CUX2: variants seen among roughly 807,000 people sequenced by gnomAD.
CUX2 encodes the protein cut like homeobox 2.
In CUX2, 40 loss-of-function variants were observed where a neutral mutation model predicts 144.8. The observed-to-expected ratio is 0.28, with a 90% CI of 0.21 to 0.36. The LOEUF is 0.36. Ranked by LOEUF, CUX2 falls within the 10% of genes least tolerant of loss-of-function variation. The pLI is 1.00. For synonymous variants in CUX2, 827 were observed against 875.6 expected, an observed-to-expected ratio of 0.94 and a Z score of 0.98; for missense variants, 1,615 against 1,994.0, an observed-to-expected ratio of 0.81 and a Z score of 3.62.
At chr12:111,201,716 A>G (rs1214309102) in intron 1 of CUX2, among the ~76,000 whole-genome samples, 2 of 152,052 alleles carry the variant, frequency 1.3e-5, no homozygotes, top group African/African-American at 4.8e-5. Context: ...ATGCCAGAGA[A>G]TTTTTCCAGA....
chr12:111,100,473 T>C (rs145471751), intron 1 of CUX2, among the ~76,000 whole-genome samples: 181 of 152,164 alleles, frequency 1.2e-3, no homozygotes, highest in Middle Eastern at 3.4e-3. Flanking sequence ...CCTCTGTGTC[T>C]TTCTGTTTGT....
chr12:111,328,100 G>A (rs1887903175), intron 18 of CUX2, among the ~76,000 whole-genome samples: 1 of 152,086 alleles, frequency 6.6e-6, no homozygotes, highest in Non-Finnish European at 1.5e-5. Context: ...GCCTGGAGGT[G>A]GCTACTGTAG....
Position 111,348,238 on chromosome 12 carries a change from G to T in CUX2, c.4374G>T (p.Arg1458=), listed in dbSNP as rs1452011706. Residue 1458 remains arginine (R), a synonymous_variant, in exon 22 of 22, where the codon CGG becomes CGT. Coordinates refer to ENST00000261726, the MANE Select transcript of CUX2 (RefSeq NM_015267.4). ...AGGTGAACCCCAACTTGCAGCGGCG[G>T]CATGAGAAGATGGCCAATCTGAACA... ...SAKVNPNLQR[R]HEKMANLNNI... 2 of 1,613,954 alleles carry T rather than the reference G, an allele frequency of 1.2e-6. No homozygotes were observed. The highest frequency in any genetic ancestry group is 1.7e-6 in the Non-Finnish European group (2 of 1,180,028).
chr12:111,298,302 A>G (rs922960600), intron 8 of CUX2, among the ~76,000 whole-genome samples: 3 of 152,176 alleles, frequency 2.0e-5, no homozygotes, highest in Non-Finnish European at 4.4e-5. Context: ...TTGGAGGTGG[A>G]GTTCAGAGAG....
At chr12:111,324,849 A>AATTC (rs1887699193) in intron 18 of CUX2, among the ~76,000 whole-genome samples, 2 of 152,192 alleles carry the variant, frequency 1.3e-5, no homozygotes, top group East Asian at 1.9e-4. Context: ...GACGGGGGTG[A>AATTC]AGTGTCAGCA....
intron 1 of CUX2, among the ~76,000 whole-genome samples, chr12:111,086,980 G>A (rs572211633): frequency 8.5e-5 from 13 of 152,264 alleles, no homozygotes; most frequent in Non-Finnish European, 1.5e-4. Flanking sequence ...ATTGCTATTC[G>A]AGCTGTCAAG....
At chr12:111,336,396 C>T (rs1241111857) in intron 19 of CUX2, among the ~76,000 whole-genome samples, 1 of 151,302 alleles carries the variant, frequency 6.6e-6, no homozygotes, top group Admixed American at 6.6e-5. Flanking sequence ...ATAAATCCCT[C>T]CCCATTGGCC....
intron 1 of CUX2, among the ~76,000 whole-genome samples, chr12:111,101,901 G>A (rs955610309): frequency 2.0e-5 from 3 of 152,212 alleles, no homozygotes; most frequent in African/African-American, 7.2e-5. Context: ...GCTAAATACA[G>A]TACCGACTAC....
intron 1 of CUX2, among the ~76,000 whole-genome samples, chr12:111,165,222 C>T (rs1283031506): frequency 6.6e-6 from 1 of 152,082 alleles, no homozygotes; most frequent in East Asian, 1.9e-4. Context: ...ATTAGGAAAA[C>T]ATTTGGTGTT....
At chr12:111,338,614 TG>T in intron 20 of CUX2, 140 bp downstream of exon 20, 1 of 696,344 alleles carries the variant, frequency 1.4e-6, no homozygotes, top group Admixed American at 3.0e-5. Context: ...ATAGCAACCT[TG>T]AAAAACAATG....
At position 111,312,191 on chromosome 12, in the gene CUX2, G is replaced by T; in HGVS notation, c.1992G>T (p.Ser664=). 6.2e-7 allele frequency: 1 copy of T among 1,606,852 alleles called. No individual in the cohort carries two copies. The highest frequency in any genetic ancestry group is 8.5e-7 in the Non-Finnish European group (1 of 1,175,612). Reference sequence around the variant, plus strand: ...AGCAGGCCAAGAAGGAGATCGAGTCGCAGAAGGGCGGTGAGTGTGACCCCT... The same window carrying T: ...AGCAGGCCAAGAAGGAGATCGAGTCTCAGAAGGGCGGTGAGTGTGACCCCT... ...ILEQAKKEIE[S]QKGGEPKTSV... is the part of the protein sequence containing the mutation. The change falls in exon 16 of 22, where the codon TCG becomes TCT. Residue 664 remains serine, a synonymous_variant. Coordinates refer to ENST00000261726, the MANE Select transcript of CUX2 (RefSeq NM_015267.4). This position sits in a 1 kb window ranked among gnomAD's most constrained non-coding sequence, Gnocchi z 4.3.
intron 1 of CUX2, among the ~76,000 whole-genome samples, chr12:111,212,186 A>G (rs763657283): frequency 3.3e-5 from 5 of 152,168 alleles, no homozygotes; most frequent in Non-Finnish European, 7.4e-5. Context: ...GGTCAGTTGT[A>G]GTTTCTGTAT....
At chr12:111,266,293 A>G (rs887344131) in intron 4 of CUX2, among the ~76,000 whole-genome samples, 4 of 152,090 alleles carry the variant, frequency 2.6e-5, no homozygotes, top group African/African-American at 4.8e-5. Context: ...CCTGGTCAAC[A>G]TGGGGAAACC....
intron 1 of CUX2, among the ~76,000 whole-genome samples, chr12:111,104,806 C>T (rs1873487167): frequency 6.6e-6 from 1 of 152,178 alleles, no homozygotes; most frequent in African/African-American, 2.4e-5. Context: ...TCATGGAACA[C>T]CAAGAGTCAG....
intron 2 of CUX2, among the ~76,000 whole-genome samples, chr12:111,216,084 C>T (rs1287574156): frequency 5.9e-5 from 9 of 152,214 alleles, no homozygotes; most frequent in African/African-American, 1.2e-4. Flanking sequence ...CGCCTGTGCT[C>T]GGCGTCCCCC....
rs1353774796 is a variant in CUX2, at chr12:111,216,160, A to G, written c.175-1730A>G. ...CAGCATTAGCACGAAGTCCCGCCAA[A>G]CCCATCCCTCCCAGAATGCTCAGAT... On this transcript the variant is annotated intron_variant, in intron 2 of 21. Transcript: ENST00000261726. Among the ~76,000 whole-genome samples, 4 of 152,324 alleles carry G rather than the reference A, an allele frequency of 2.6e-5. No homozygotes were observed. In the East Asian group the frequency reaches 7.7e-4, roughly 29 times the overall value.
rs958068116 is a variant in CUX2, at chr12:111,186,995, C to G, written c.64-27205C>G. Among the ~76,000 whole-genome samples, 1 of 152,078 alleles carries G rather than the reference C, an allele frequency of 6.6e-6. No homozygotes were observed. The highest frequency in any genetic ancestry group is 2.4e-5 in the African/African-American group (1 of 41,410). On this transcript the variant is annotated intron_variant, in intron 1 of 21. Transcript: ENST00000261726. The surrounding 1 kb of genome is among the most constrained non-coding windows in gnomAD (Gnocchi z 4.4). ...GGTTTTGCCATGTTGGCGAGGCTGG[C>G]TTCAAACTCCTGACCTCAAGTGATC... is the stretch of plus-strand genomic sequence containing the variant.
chr12:111,044,906 A>G (rs1240917838), intron 1 of CUX2, among the ~76,000 whole-genome samples: 1 of 152,182 alleles, frequency 6.6e-6, no homozygotes, highest in Non-Finnish European at 1.5e-5. Flanking sequence ...TAGCTCCATC[A>G]GTCTCGCCTT....
chr12:111,152,262 G>A (rs1877096066), intron 1 of CUX2, among the ~76,000 whole-genome samples: 1 of 152,006 alleles, frequency 6.6e-6, no homozygotes, highest in African/African-American at 2.4e-5. Context: ...TCCAGCCTGG[G>A]CGACAGAGCA....
Sources: gnomAD v4.1 joint callset for allele counts (sites outside exome capture counted in the v4.1 genomes callset) on GRCh38, gnomAD v4.1.1 for gene constraint, Gnocchi (gnomAD v3.1) non-coding constraint, MANE v1.5 for transcripts, NCBI Gene and HGNC (gene_info 2026-07-23, HGNC 2026-07-21) for gene names.